The following NBEA variants were observed in gnomAD, a reference collection of about 807,000 sequenced individuals.
NBEA encodes the protein neurobeachin, also known as lysosomal-trafficking regulator 2.
Under a neutral mutation model 343.4 loss-of-function variants are expected in NBEA, and 44 were observed. That is an observed-to-expected ratio of 0.13 (90% CI 0.10 to 0.16). The LOEUF (loss-of-function observed/expected upper bound fraction) is 0.16, where lower values mean the gene tolerates loss of function less well. Ranked by LOEUF, NBEA falls within the 10% of genes least tolerant of loss-of-function variation. NBEA has a pLI of 1.00. For missense variants in NBEA, 2,555 were observed against 3,631.3 expected, an observed-to-expected ratio of 0.70 and a Z score of 7.62; for synonymous variants, 1,175 against 1,238.7, an observed-to-expected ratio of 0.95 and a Z score of 1.08.
At chr13:35,103,322 C>T (rs2065746417) in intron 11 of NBEA, among the ~76,000 whole-genome samples, 1 of 151,688 alleles carries the variant, frequency 6.6e-6, no homozygotes. Context: ...GTGATTATTT[C>T]TCAGTTCTTA....
At chr13:35,580,110 T>C (rs1593278292) in intron 45 of NBEA, among the ~76,000 whole-genome samples, 1 of 152,112 alleles carries the variant, frequency 6.6e-6, no homozygotes, top group Non-Finnish European at 1.5e-5. Flanking sequence ...TAAAGTTTTA[T>C]AGGGATAGAA....
chr13:35,388,969 G>T (rs1336134229), intron 38 of NBEA, among the ~76,000 whole-genome samples: 1 of 151,384 alleles, frequency 6.6e-6, no homozygotes, highest in African/African-American at 2.4e-5. Flanking sequence ...AAACGTTTAC[G>T]AAGAGTAGAT....
chr13:35,014,528 G>A (rs971053831), intron 1 of NBEA, among the ~76,000 whole-genome samples: 12 of 152,154 alleles, frequency 7.9e-5, no homozygotes, highest in African/African-American at 2.9e-4. Flanking sequence ...ACTGGGGCTT[G>A]GAGAAGAAGT....
intron 37 of NBEA, among the ~76,000 whole-genome samples, chr13:35,350,727 G>GGTGTGT (rs1252331869): frequency 2.6e-4 from 29 of 110,978 alleles, no homozygotes; most frequent in African/African-American, 9.3e-4. Flanking sequence ...TAGAGCTATT[G>GGTGTGT]ATGTGTGTGT....
At chr13:34,984,057 A>G (rs140736340) in intron 1 of NBEA, among the ~76,000 whole-genome samples, 211 of 152,214 alleles carry the variant, frequency 1.4e-3, no homozygotes, top group African/African-American at 4.7e-3. Context: ...CCATTTGTCA[A>G]TTTTGGCTTT....
chr13:34,946,380 G>A (rs1045756705), intron 1 of NBEA, among the ~76,000 whole-genome samples: 2 of 152,044 alleles, frequency 1.3e-5, no homozygotes, highest in Admixed American at 1.3e-4. Context: ...TGAAGTAAAA[G>A]CTATGTAAGT....
intron 41 of NBEA, among the ~76,000 whole-genome samples, chr13:35,550,182 G>A (rs1471843279): frequency 1.3e-5 from 2 of 152,152 alleles, no homozygotes; most frequent in Non-Finnish European, 2.9e-5. Context: ...TGTCTCACAG[G>A]TGGTCACCTG....
intron 38 of NBEA, among the ~76,000 whole-genome samples, chr13:35,428,154 C>G (rs2044831863): frequency 6.6e-6 from 1 of 152,200 alleles, no homozygotes; most frequent in Non-Finnish European, 1.5e-5. Context: ...CACCCACTGT[C>G]TGGCACACCC....
intron 48 of NBEA, among the ~76,000 whole-genome samples, chr13:35,620,270 G>A (rs2082923019): frequency 6.6e-6 from 1 of 152,092 alleles, no homozygotes; most frequent in African/African-American, 2.4e-5. Context: ...AAATACCACT[G>A]CAAGAAAAGG....
intron 41 of NBEA, among the ~76,000 whole-genome samples, chr13:35,514,752 A>C (rs1191545952): frequency 6.6e-6 from 1 of 152,210 alleles, no homozygotes; most frequent in Non-Finnish European, 1.5e-5. Flanking sequence ...ATCATTTATC[A>C]TTCCAATATA....
Position 35,040,885 on chromosome 13 carries a change from C to T in NBEA, c.295-48C>T, listed in dbSNP as rs754391936. The stretch of plus-strand genomic sequence containing the variant: ...TGTTATTATTTCATTCTACTGTCAT[C>T]GATAACCTCCCATGTTAACACTATT... On this transcript the variant is annotated intron_variant, in intron 1 of 58. Transcript: ENST00000379939. The T allele has an allele frequency of 9.4e-5, 139 of 1,477,004 alleles. No individual in the cohort carries two copies. In the Admixed American group the frequency reaches 2.1e-3, roughly 22 times the overall value. The allele number at this position is 1,477,004 out of a possible 1,614,324, so 91.5% of individuals were successfully genotyped here.
At position 35,109,326 on chromosome 13, in the gene NBEA, C is replaced by A; in HGVS notation, c.1717C>A (p.Gln573Lys). Residue 573 changes from glutamine (Q) to lysine (K), a missense_variant, in exon 12 of 59, where the codon CAA (glutamine) becomes AAA (lysine). Around this residue, in one of 21 missense-constraint regions of NBEA, gnomAD observed 360 missense variants for 519.1 expected, o/e 0.69. Coordinates refer to ENST00000379939, the MANE Select transcript of NBEA (RefSeq NM_001385012.1). Reference protein sequence around the residue: ...RVHITRAVLEQFLSFAKYLDG... With the variant: ...RVHITRAVLEKFLSFAKYLDG... The stretch of plus-strand genomic sequence containing the variant: ...TCATATAACTAGAGCTGTCCTGGAG[C>A]AATTTTTATCTTTTGCAAAATACCT... The A allele has an allele frequency of 1.2e-6, 2 of 1,611,970 alleles. No homozygotes were observed. Among genetic ancestry groups the A allele is most frequent in the Non-Finnish European group, 1.7e-6 (2 of 1,178,856 alleles).
rs762771583 is a variant in NBEA, at chr13:35,110,974, A to G, written c.1998A>G (p.Gly666=). 1 of 1,602,410 alleles carries G rather than the reference A, an allele frequency of 6.2e-7. No individual in the cohort carries two copies. The highest frequency in any genetic ancestry group is 8.5e-7 in the Non-Finnish European group (1 of 1,171,174). ...PADSSGITPK[G]LDGPRPSQKE... ...ACAGTAGTGGCATTACACCTAAAGG[A>G]TTAGGTATGTATACCACTTCCACTG... Residue 666 remains glycine, a synonymous_variant, in exon 13 of 59, where the codon GGA becomes GGG. Coordinates refer to ENST00000379939, the MANE Select transcript of NBEA (RefSeq NM_001385012.1).
intron 43 of NBEA, among the ~76,000 whole-genome samples, chr13:35,553,588 C>G (rs550776108): frequency 5.3e-5 from 8 of 152,188 alleles, no homozygotes; most frequent in Non-Finnish European, 8.8e-5. Context: ...AAGAGATATT[C>G]TGCCAGAGAT....
chr13:35,137,870 A>G (rs2067831561), intron 17 of NBEA, among the ~76,000 whole-genome samples: 2 of 152,160 alleles, frequency 1.3e-5, no homozygotes, highest in Admixed American at 1.3e-4. Flanking sequence ...TTAAGTATAA[A>G]TGAAGAAATG....
chr13:35,497,154 C>T (rs2076711599), intron 41 of NBEA, among the ~76,000 whole-genome samples: 1 of 152,030 alleles, frequency 6.6e-6, no homozygotes, highest in African/African-American at 2.4e-5. Flanking sequence ...TAGGTTATCT[C>T]ATAAGCTGTG....
chr13:35,253,858 A>C (rs901224394), intron 34 of NBEA, among the ~76,000 whole-genome samples: 1 of 152,132 alleles, frequency 6.6e-6, no homozygotes, highest in Non-Finnish European at 1.5e-5. Context: ...AAAAAAAAGA[A>C]CAGAAGAATG....
In NBEA at chr13:35,159,934, A is replaced by G; in HGVS notation, c.3763A>G (p.Ile1255Val). 6.3e-7 allele frequency: 1 copy of G among 1,594,088 alleles called. No individual in the cohort carries two copies. The highest frequency in any genetic ancestry group is 8.6e-7 in the Non-Finnish European group (1 of 1,169,476). Reference sequence around the variant, plus strand: ...TTCTAGTAGCAAAATTGTACCAAATATTGATGCAGGAAGTATAATTTCAGA... The same window carrying G: ...TTCTAGTAGCAAAATTGTACCAAATGTTGATGCAGGAAGTATAATTTCAGA... ...ESSSSKIVPN[I>V]DAGSIISDTE... is the part of the protein sequence containing the mutation. The change falls in exon 22 of 59, where the codon ATT becomes GTT. Residue 1255 changes from isoleucine to valine, a missense_variant. Physicochemically the swap from Ile to Val is conservative, Grantham distance 29 (BLOSUM62 3). Transcript: ENST00000379939.
chr13:35,179,712 G>C (rs2071175513), intron 28 of NBEA: 1 of 917,564 alleles, frequency 1.1e-6, no homozygotes, highest in East Asian at 1.2e-4. Flanking sequence ...CTGATTGCCT[G>C]GTACTGAGTT....
Sources: gnomAD v4.1 joint callset for allele counts (sites outside exome capture counted in the v4.1 genomes callset) on GRCh38, gnomAD v4.1.1 for gene constraint, gnomAD v4.1.1 regional missense constraint, MANE v1.5 for transcripts, NCBI Gene and HGNC (gene_info 2026-07-23, HGNC 2026-07-21) for gene names.